Variants in MUC20 observed in about 807,000 individuals in gnomAD.
MUC20 encodes the protein mucin 20, cell surface associated.
A neutral mutation model predicts 23.8 loss-of-function variants in MUC20; 14 were observed. The observed-to-expected ratio is 0.59, with a 90% CI of 0.39 to 0.92. MUC20 has a LOEUF of 0.92. Among genes scored for constraint, MUC20 ranks in the 40% least tolerant of loss-of-function variants. The pLI, the probability that MUC20 is intolerant of heterozygous loss-of-function variation, is 0.00. For synonymous variants in MUC20, 166 were observed against 279.3 expected (o/e 0.59, Z 4.04); for missense variants, 375 against 668.8 (o/e 0.56, Z 4.85).
chr3:195,728,245 A>G (rs1198093890), intron 2 of MUC20, among the ~76,000 whole-genome samples: 4 of 152,412 alleles, frequency 2.6e-5, no homozygotes, highest in Non-Finnish European at 5.9e-5. Flanking sequence ...AAGGACCTGC[A>G]CCGGCACCAG....
chr3:195,726,243 C>T lies in MUC20; in HGVS notation c.1640C>T (p.Ser547Leu), dbSNP rs762014480. ...GAGACACCAAGTTACGTCAAAGTCT[C>T]AGGAGCAGCTCCGGTCTCCATAGAG... ...SVETPSYVKV[S>L]GAAPVSIEAG... is the part of the protein sequence containing the mutation. The change falls in exon 2 of 4, where the codon TCA becomes TTA. Residue 547 changes from serine (S) to leucine (L), a missense_variant. Physicochemically the swap from Ser to Leu is moderately radical, Grantham distance 145. Coordinates refer to ENST00000447234, the MANE Select transcript of MUC20 (RefSeq NM_001282506.2). 36 of 1,613,870 alleles carry T rather than the reference C, an allele frequency of 2.2e-5. No individual in the cohort carries two copies. The South Asian group carries it at 2.5e-4, about 11-fold the overall frequency.
At chr3:195,729,822 A>G (rs1577860621) in intron 3 of MUC20, 83 bp downstream of exon 3, 1 of 1,322,018 alleles carries the variant, frequency 7.6e-7, no homozygotes, top group East Asian at 2.5e-5. Flanking sequence ...CAGGACACAG[A>G]AGAGCAGCTA....
chr3:195,730,757 C>A (rs1303394418), intron 3 of MUC20, among the ~76,000 whole-genome samples: 1 of 152,160 alleles, frequency 6.6e-6, no homozygotes, highest in Non-Finnish European at 1.5e-5. Context: ...AAGGATGAGC[C>A]CCAAGAAAAT....
At chr3:195,729,068 A>G (rs1305201807) in intron 2 of MUC20, among the ~76,000 whole-genome samples, 2 of 152,284 alleles carry the variant, frequency 1.3e-5, no homozygotes, top group African/African-American at 4.8e-5. Context: ...ACACAGTGAC[A>G]GTCTGATCGC....
intron 3 of MUC20, among the ~76,000 whole-genome samples, chr3:195,731,626 G>A (rs1713395589): frequency 1.3e-5 from 2 of 152,262 alleles, no homozygotes; most frequent in African/African-American, 4.8e-5. Context: ...ACAGCCAAGG[G>A]GCATCACGTG....
intron 3 of MUC20, chr3:195,729,986 G>A: frequency 1.9e-6 from 1 of 530,842 alleles, no homozygotes; most frequent in Non-Finnish European, 3.3e-6. Flanking sequence ...GTTTCTTCTG[G>A]TCCTTGGAAG....
rs1479788321 is a variant in MUC20 at position 195,726,379 on chromosome 3, G to A, written c.1776G>A (p.Met592Ile). 8 of 1,613,662 alleles carry A rather than the reference G, an allele frequency of 5.0e-6. No individual in the cohort carries two copies. Among genetic ancestry groups the A allele is most frequent in the African/African-American group, 2.7e-5 (2 of 74,940 alleles). ...TCACCCCTTCAGAGACACCGACCAT[G>A]GACATCGCAACCAAGGGGCCCTTCC... Reference protein sequence around the residue: ...KNFTPSETPTMDIATKGPFPT... With the variant: ...KNFTPSETPTIDIATKGPFPT... Residue 592 changes from methionine to isoleucine, a missense_variant, in exon 2 of 4, where the codon ATG becomes ATA. Physicochemically the swap from Met to Ile is conservative, Grantham distance 10 (BLOSUM62 1). Transcript: ENST00000447234.
At chr3:195,729,767 A>T in intron 3 of MUC20, 28 bp downstream of exon 3, 6 of 1,569,578 alleles carry the variant, frequency 3.8e-6, no homozygotes, top group Non-Finnish European at 5.2e-6. Context: ...GGGCCAGGGG[A>T]GTAGAGGAAG....
intron 1 of MUC20, among the ~76,000 whole-genome samples, chr3:195,723,556 T>G (rs2688537): frequency 1.0e-5 from 1 of 99,234 alleles, no homozygotes; most frequent in South Asian, 3.1e-4. Context: ...AGTGTAAGTA[T>G]GTAGCCAATA....
At position 195,726,322 on chromosome 3, in the gene MUC20, C is replaced by T. The variant is rs767914017; in HGVS notation, c.1719C>T (p.Ser573=). Residue 573 remains serine (S), a synonymous_variant, in exon 2 of 4, where the codon TCC becomes TCT. Transcript: ENST00000447234. ...CCTTTGCTGGGAGCTCTGCTTCCTCCTACAGCCCCTCGGAAGCCGCCCTCA... is the reference window on the plus strand; with the variant it reads ...CCTTTGCTGGGAGCTCTGCTTCCTCTTACAGCCCCTCGGAAGCCGCCCTCA... ...TTSFAGSSAS[S]YSPSEAALKN... is the part of the protein sequence containing the mutation. The T allele has an allele frequency of 1.9e-6, 3 of 1,614,078 alleles. No homozygotes were observed. Among genetic ancestry groups the T allele is most frequent in the African/African-American group, 1.3e-5 (1 of 75,076 alleles).
At chr3:195,730,409 G>A (rs562445957) in intron 3 of MUC20, among the ~76,000 whole-genome samples, 10 of 152,320 alleles carry the variant, frequency 6.6e-5, no homozygotes, top group South Asian at 2.1e-4. Context: ...GCAGTGGTGC[G>A]ATCTCAGCTC....
At chr3:195,722,142 A>G (rs1191857293) in intron 1 of MUC20, 3 of 614,288 alleles carry the variant, frequency 4.9e-6, no homozygotes, top group African/African-American at 2.1e-5. Flanking sequence ...TGAGGAACCT[A>G]CTTTGATGCA....
chr3:195,731,510 T>A (rs1337701129), intron 3 of MUC20, among the ~76,000 whole-genome samples: 1 of 152,240 alleles, frequency 6.6e-6, no homozygotes, highest in Non-Finnish European at 1.5e-5. Flanking sequence ...ACAGCAGGCT[T>A]GGAAAATAGG....
intron 2 of MUC20, chr3:195,729,328 T>G: frequency 3.9e-6 from 1 of 254,080 alleles, no homozygotes; most frequent in Non-Finnish European, 7.6e-6. Context: ...TTTTTTTTTT[T>G]TTTTTTTGAG....
chr3:195,722,845 G>T (rs377552418), intron 1 of MUC20: 29,219 of 937,694 alleles, frequency 0.031, no homozygotes, highest in Middle Eastern at 0.054. Context: ...CAGCTGGGCC[G>T]CACTGGACCA....
intron 3 of MUC20, among the ~76,000 whole-genome samples, chr3:195,731,782 C>T (rs1183363904): frequency 2.0e-5 from 3 of 152,360 alleles, no homozygotes; most frequent in Non-Finnish European, 2.9e-5. Context: ...TGCCAGGGGA[C>T]GGGAAGAAGG....
chr3:195,722,165 A>C lies in MUC20; in HGVS notation c.76+1082A>C, dbSNP rs543329257. ...CTACTTTGATGCATCATTATCATACATTGTATTTTTAATCCTCACAACGGC... is the reference window on the plus strand; with the variant it reads ...CTACTTTGATGCATCATTATCATACCTTGTATTTTTAATCCTCACAACGGC... On this transcript the variant is annotated intron_variant, in intron 1 of 3. Transcript: ENST00000447234. 681 of 581,138 alleles carry C rather than the reference A, an allele frequency of 1.2e-3. No individual in the cohort carries two copies. The African/African-American group carries it at 0.014, about 12-fold the overall frequency. 36.0% of individuals were successfully genotyped at this position (581,138 alleles called of 1,614,324 possible). A position where few individuals can be genotyped will look rare whatever the true frequency, so the allele number is the denominator to read the frequency against.
At chr3:195,728,381 G>A (rs1000552837) in intron 2 of MUC20, among the ~76,000 whole-genome samples, 5 of 152,278 alleles carry the variant, frequency 3.3e-5, no homozygotes, top group African/African-American at 7.2e-5. Flanking sequence ...AAGAATCTGT[G>A]TCATAATTAA....
rs1236971252 is a variant in MUC20, at chr3:195,733,152, C to A, written c.2064C>A (p.Leu688=). 1.9e-6 allele frequency: 3 copies of A among 1,587,976 alleles called. No individual in the cohort carries two copies. The highest frequency in any genetic ancestry group is 1.3e-5 in the African/African-American group (1 of 74,530). The change falls in exon 4 of 4, where the codon CTC becomes CTA. Residue 688 remains leucine, a splice_region_variant and synonymous_variant. Coordinates refer to ENST00000447234, the MANE Select transcript of MUC20 (RefSeq NM_001282506.2). ...PRVAERLMQQ[L]HRELHAHAPH... ...CAGCTGGCTCTTTTGCTCTCCAGCT[C>A]CACCGGGAACTCCACGCCCACGCGC...
Sources: gnomAD v4.1 joint callset for allele counts (sites outside exome capture counted in the v4.1 genomes callset) on GRCh38, gnomAD v4.1.1 for gene constraint, MANE v1.5 for transcripts, NCBI Gene and HGNC (gene_info 2026-07-23, HGNC 2026-07-21) for gene names.